SMAP1: variants seen among roughly 807,000 people sequenced by gnomAD.
SMAP1 encodes the protein small ArfGAP 1.
In SMAP1, 24 loss-of-function variants were observed where a neutral mutation model predicts 58.5. The observed-to-expected ratio is 0.41, with a 90% CI of 0.30 to 0.58. The LOEUF (loss-of-function observed/expected upper bound fraction) is 0.58, where lower values mean the gene tolerates loss of function less well. Ranked by LOEUF, SMAP1 falls within the 20% of genes least tolerant of loss-of-function variation. The pLI, the probability that SMAP1 is intolerant of heterozygous loss-of-function variation, is 0.29. For missense variants in SMAP1, 563 were observed against 566.3 expected (o/e 0.99, Z 0.06); for synonymous variants, 216 against 196.6 (o/e 1.10, Z -0.82).
intron 7 of SMAP1, among the ~76,000 whole-genome samples, chr6:70,851,618 G>A (rs1771187388): frequency 6.6e-6 from 1 of 152,124 alleles, no homozygotes; most frequent in Non-Finnish European, 1.5e-5. Flanking sequence ...CTTGTGAGAT[G>A]TTCCAGTCCT....
chr6:70,728,324 A>G (rs1449099488), intron 1 of SMAP1, among the ~76,000 whole-genome samples: 2 of 152,212 alleles, frequency 1.3e-5, no homozygotes, highest in African/African-American at 4.8e-5. Flanking sequence ...AGGCTGAGAA[A>G]TGTAGTCTTC....
At chr6:70,852,511 G>A (rs746824872) in intron 7 of SMAP1, 29 bp from the exon 8 acceptor site, 82 of 1,473,946 alleles carry the variant, frequency 5.6e-5, no homozygotes, top group Admixed American at 9.7e-5. Context: ...GATATTCTAC[G>A]TTAAGACGAG....
At position 70,839,674 on chromosome 6, in the gene SMAP1, G is replaced by A. The variant is rs533847174; in HGVS notation, c.664+2646G>A. Reference sequence around the variant, plus strand: ...GGCAGAAGAGTTCCAAAGATAGGAGGAGTGGGAGATGGGGTTAGAAAGAGG... The same window carrying A: ...GGCAGAAGAGTTCCAAAGATAGGAGAAGTGGGAGATGGGGTTAGAAAGAGG... On this transcript the variant is annotated intron_variant, in intron 7 of 10. Transcript: ENST00000370455. Among the ~76,000 whole-genome samples, 239 of 152,310 alleles carry A rather than the reference G, an allele frequency of 1.6e-3. 3 individuals carry two copies. The highest frequency in any genetic ancestry group is 1.3e-3 in the Non-Finnish European group (90 of 68,024).
chr6:70,855,900 G>C (rs148653987), intron 8 of SMAP1, among the ~76,000 whole-genome samples: 2 of 152,048 alleles, frequency 1.3e-5, no homozygotes, highest in Non-Finnish European at 2.9e-5. Context: ...GCTTTTTGTC[G>C]CTTACAATTC....
intron 6 of SMAP1, among the ~76,000 whole-genome samples, chr6:70,823,274 G>A (rs190150582): frequency 2.6e-5 from 4 of 152,268 alleles, no homozygotes; most frequent in Admixed American, 2.6e-4. Flanking sequence ...GGGAGGGGAA[G>A]TGTTCTATAA....
At chr6:70,681,281 A>G (rs1267539973) in intron 1 of SMAP1, among the ~76,000 whole-genome samples, 2 of 152,080 alleles carry the variant, frequency 1.3e-5, no homozygotes, top group Non-Finnish European at 2.9e-5. Context: ...AATTAAAAAA[A>G]AATAGCTGGG....
At chr6:70,739,839 A>G (rs969122854) in intron 2 of SMAP1, among the ~76,000 whole-genome samples, 8 of 151,696 alleles carry the variant, frequency 5.3e-5, no homozygotes, top group African/African-American at 1.7e-4. Flanking sequence ...TTTGTTGTCT[A>G]CGGTTCATTT....
At chr6:70,774,711 A>G (rs1767474571) in intron 4 of SMAP1, among the ~76,000 whole-genome samples, 2 of 151,704 alleles carry the variant, frequency 1.3e-5, no homozygotes, top group Admixed American at 6.6e-5. Flanking sequence ...GTGAGACCCT[A>G]TCTCTTTTTA....
chr6:70,816,781 G>A (rs79140992), intron 6 of SMAP1, among the ~76,000 whole-genome samples: 1 of 152,118 alleles, frequency 6.6e-6, no homozygotes, highest in Non-Finnish European at 1.5e-5. Flanking sequence ...TTAACCAAAA[G>A]CCTAAAATAT....
At chr6:70,727,762 C>T (rs1765244925) in intron 1 of SMAP1, among the ~76,000 whole-genome samples, 1 of 152,104 alleles carries the variant, frequency 6.6e-6, no homozygotes, top group Admixed American at 6.6e-5. Context: ...TACCAACATT[C>T]AAATGTAATT....
intron 4 of SMAP1, among the ~76,000 whole-genome samples, chr6:70,776,369 C>T (rs558523802): frequency 7.9e-5 from 12 of 151,972 alleles, no homozygotes; most frequent in Admixed American, 1.3e-4. Flanking sequence ...TTAGTAGAGA[C>T]GGGGTTTTGC....
At chr6:70,803,749 C>G (rs955473475) in intron 6 of SMAP1, among the ~76,000 whole-genome samples, 4 of 150,934 alleles carry the variant, frequency 2.7e-5, no homozygotes, top group African/African-American at 7.3e-5. Flanking sequence ...CATTTCTTTA[C>G]TCAGTAGTCA....
At chr6:70,692,725 T>A (rs1379034138) in intron 1 of SMAP1, among the ~76,000 whole-genome samples, 1 of 152,192 alleles carries the variant, frequency 6.6e-6, no homozygotes, top group African/African-American at 2.4e-5. Context: ...ATGAGTTCAC[T>A]CTAGATGTAT....
chr6:70,743,253 G>A (rs1377864081), intron 2 of SMAP1, among the ~76,000 whole-genome samples: 1 of 152,082 alleles, frequency 6.6e-6, no homozygotes, highest in Non-Finnish European at 1.5e-5. Context: ...TCATTGTAGT[G>A]GTTTGTTTCT....
intron 2 of SMAP1, among the ~76,000 whole-genome samples, chr6:70,744,918 G>C (rs1443618615): frequency 6.6e-6 from 1 of 152,218 alleles, no homozygotes; most frequent in South Asian, 2.1e-4. Flanking sequence ...TTTGTCTGAT[G>C]ACCAGTGATA....
chr6:70,751,266 C>T lies in SMAP1; in HGVS notation c.253-3714C>T, dbSNP rs956532675. On this transcript the variant is annotated intron_variant, in intron 2 of 10. Coordinates refer to ENST00000370455, the MANE Select transcript of SMAP1 (RefSeq NM_001044305.3). ...CAAAAAATAAATAAAAATAAAAATACGTTCAGTCTACTGGCAGAAGTACAT... is the reference window on the plus strand; with the variant it reads ...CAAAAAATAAATAAAAATAAAAATATGTTCAGTCTACTGGCAGAAGTACAT... Among the ~76,000 whole-genome samples the T allele has an allele frequency of 5.3e-5, 8 of 151,940 alleles. 1 individual carries two copies. Among genetic ancestry groups the T allele is most frequent in the African/African-American group, 9.7e-5 (4 of 41,388 alleles).
At chr6:70,842,650 C>T (rs1437090323) in intron 7 of SMAP1, among the ~76,000 whole-genome samples, 2 of 152,196 alleles carry the variant, frequency 1.3e-5, no homozygotes, top group African/African-American at 4.8e-5. Context: ...CTGAAAATGG[C>T]TTAAACATAA....
intron 6 of SMAP1, among the ~76,000 whole-genome samples, chr6:70,833,328 A>G (rs1219695892): frequency 6.6e-6 from 1 of 152,240 alleles, no homozygotes; most frequent in African/African-American, 2.4e-5. Flanking sequence ...TGTATATACT[A>G]TGAAGACATA....
intron 1 of SMAP1, among the ~76,000 whole-genome samples, chr6:70,679,077 G>A (rs1766597421): frequency 6.6e-6 from 1 of 150,944 alleles, no homozygotes; most frequent in South Asian, 2.1e-4. Context: ...AAGCTGGAGT[G>A]CATTGGCATG....
Sources: allele counts gnomAD v4.1 joint callset (sites outside exome capture counted in the v4.1 genomes callset), GRCh38; gene constraint gnomAD v4.1.1; transcripts MANE v1.5; gene names NCBI Gene and HGNC (gene_info 2026-07-23, HGNC 2026-07-21).